Variants in RBFOX1 observed in about 807,000 individuals in gnomAD.
The protein encoded by RBFOX1 is RNA binding protein fox-1 homolog 1.
RBFOX1 carries 8 observed loss-of-function variants against 57.7 expected under a neutral mutation model. That is an observed-to-expected ratio of 0.14 (90% CI 0.08 to 0.25). RBFOX1 has a LOEUF of 0.25. Ranked by LOEUF, RBFOX1 falls within the 10% of genes least tolerant of loss-of-function variation. The pLI is 1.00. For missense variants in RBFOX1, 611 were observed against 548.5 expected (o/e 1.11, Z -1.14); for synonymous variants, 326 against 222.4 (o/e 1.47, Z -4.15).
chr16:6,673,837 T>C (rs2098783571), intron 3 of RBFOX1, among the ~76,000 whole-genome samples: 2 of 152,102 alleles, frequency 1.3e-5, no homozygotes, highest in South Asian at 2.1e-4. Flanking sequence ...GCCAAGACAG[T>C]GCTAGAGAGA....
chr16:6,200,907 T>A (rs57029104), intron 1 of RBFOX1, among the ~76,000 whole-genome samples: 38,794 of 151,428 alleles, frequency 0.26, 5,639 homozygotes, highest in East Asian at 0.42. Flanking sequence ...ATGCAGCTCA[T>A]TTTTGCTGGA....
chr16:7,385,309 A>G (rs2097857205), intron 4 of RBFOX1, among the ~76,000 whole-genome samples: 3 of 152,200 alleles, frequency 2.0e-5, no homozygotes, highest in Non-Finnish European at 4.4e-5. Context: ...AGTCCAGGCA[A>G]GGGGTCATAG....
intron 2 of RBFOX1, among the ~76,000 whole-genome samples, chr16:5,486,238 G>A (rs1422947414): frequency 6.6e-6 from 1 of 152,154 alleles, no homozygotes; most frequent in Non-Finnish European, 1.5e-5. Context: ...GATTACTTTA[G>A]GGTTCCATCA....
At chr16:5,344,300 C>T (rs1369453755) in intron 1 of RBFOX1, among the ~76,000 whole-genome samples, 4 of 152,150 alleles carry the variant, frequency 2.6e-5, no homozygotes, top group African/African-American at 9.7e-5. Flanking sequence ...AGTCCTTTGC[C>T]CAGCTCCCTC....
intron 3 of RBFOX1, among the ~76,000 whole-genome samples, chr16:5,673,564 T>G (rs2050079437): frequency 6.6e-6 from 1 of 152,182 alleles, no homozygotes; most frequent in South Asian, 2.1e-4. Flanking sequence ...CAGACCTGGT[T>G]GTTCCGTCAA....
chr16:7,566,327 G>T (rs2091681870), intron 5 of RBFOX1, among the ~76,000 whole-genome samples: 1 of 152,072 alleles, frequency 6.6e-6, no homozygotes, highest in Non-Finnish European at 1.5e-5. Context: ...TCTGTTTCCA[G>T]CCCAGACCTA....
chr16:5,818,529 C>G (rs17138694), intron 3 of RBFOX1, among the ~76,000 whole-genome samples: 3,831 of 152,270 alleles, frequency 0.025, 148 homozygotes, highest in African/African-American at 0.085. Context: ...AAATCCGTCT[C>G]GGAAGACACA....
At chr16:6,814,776 T>G (rs1027572651) in intron 3 of RBFOX1, among the ~76,000 whole-genome samples, 4 of 151,952 alleles carry the variant, frequency 2.6e-5, no homozygotes, top group East Asian at 1.9e-4. Context: ...AGAGTTGAGG[T>G]TGGATAGAAG....
intron 4 of RBFOX1, among the ~76,000 whole-genome samples, chr16:7,400,414 A>C (rs2098221489): frequency 6.6e-6 from 1 of 152,206 alleles, no homozygotes; most frequent in Admixed American, 6.5e-5. Context: ...TCATCTCTGA[A>C]GACAGAAATC....
intron 1 of RBFOX1, among the ~76,000 whole-genome samples, chr16:5,435,586 A>G (rs1211936324): frequency 6.6e-6 from 1 of 152,200 alleles, no homozygotes; most frequent in African/African-American, 2.4e-5. Context: ...ACTGAGACAC[A>G]GGTGGGACCC....
chr16:5,464,476 A>G (rs1336859760), intron 1 of RBFOX1, among the ~76,000 whole-genome samples: 2 of 152,226 alleles, frequency 1.3e-5, no homozygotes, highest in African/African-American at 2.4e-5. Context: ...CTAGTTGTGG[A>G]CTAAGCTCTC....
At chr16:6,383,075 C>A (rs2091958089) in intron 2 of RBFOX1, among the ~76,000 whole-genome samples, 1 of 152,176 alleles carries the variant, frequency 6.6e-6, no homozygotes, top group South Asian at 2.1e-4. Flanking sequence ...TAAGGTTGCC[C>A]AGTCACTTGC....
chr16:7,111,800 T>C (rs1304114008), intron 4 of RBFOX1, among the ~76,000 whole-genome samples: 1 of 152,154 alleles, frequency 6.6e-6, no homozygotes, highest in Non-Finnish European at 1.5e-5. Context: ...CTATTTGATT[T>C]TTTTTCCCCC....
rs140563607 is a variant in RBFOX1, at chr16:6,115,056, T to C, written c.-127+95064T>C. Reference sequence around the variant, plus strand: ...TCCAGGTTGTTGTCATGGAAAGGGGTAGTAACTTCCAGGTGATTGCCATGG... The same window carrying C: ...TCCAGGTTGTTGTCATGGAAAGGGGCAGTAACTTCCAGGTGATTGCCATGG... On this transcript the variant is annotated intron_variant, in intron 1 of 15. Coordinates refer to ENST00000550418, the MANE Select transcript of RBFOX1 (RefSeq NM_018723.4). 1.5e-4 allele frequency among the ~76,000 whole-genome samples: 23 copies of C among 152,208 alleles called. No homozygotes were observed. In the East Asian group the frequency reaches 3.5e-3, roughly 23 times the overall value.
intron 3 of RBFOX1, among the ~76,000 whole-genome samples, chr16:5,793,077 C>A (rs868850349): frequency 6.6e-6 from 1 of 152,168 alleles, no homozygotes; most frequent in Non-Finnish European, 1.5e-5. Context: ...ATGTACTTCC[C>A]GTTTTCCAGA....
At chr16:6,967,424 C>A (rs1302035509) in intron 3 of RBFOX1, among the ~76,000 whole-genome samples, 1 of 152,116 alleles carries the variant, frequency 6.6e-6, no homozygotes, top group Non-Finnish European at 1.5e-5. Flanking sequence ...AAGCCAGTTC[C>A]AAAAAGTAAT....
chr16:5,293,469 C>A (rs948489460), intron 1 of RBFOX1, among the ~76,000 whole-genome samples: 4 of 152,132 alleles, frequency 2.6e-5, no homozygotes, highest in Non-Finnish European at 4.4e-5. Flanking sequence ...TGGGTCTCAA[C>A]CTTGGCTCCA....
In RBFOX1 at chr16:6,812,517, G is replaced by T. The variant is rs951069434; in HGVS notation, c.-16+157867G>T. Among the ~76,000 whole-genome samples, 8 of 152,118 alleles carry T rather than the reference G, an allele frequency of 5.3e-5. No homozygotes were observed. In the South Asian group the frequency reaches 1.5e-3, roughly 28 times the overall value. ...GCCTACTGAGTAGCTGGGATTACAG[G>T]CACATGACACCACGCCCAGCTAATT... On this transcript the variant is annotated intron_variant, in intron 3 of 15. Transcript: ENST00000550418.
chr16:6,639,870 CTG>C (rs2098473157), intron 2 of RBFOX1, among the ~76,000 whole-genome samples: 1 of 152,092 alleles, frequency 6.6e-6, no homozygotes, highest in Non-Finnish European at 1.5e-5. Context: ...CAGAGTGAGA[CTG>C]TGTCTCAAAA....
Sources: gnomAD v4.1 joint callset for allele counts (sites outside exome capture counted in the v4.1 genomes callset) on GRCh38, gnomAD v4.1.1 for gene constraint, MANE v1.5 for transcripts, NCBI Gene and HGNC (gene_info 2026-07-23, HGNC 2026-07-21) for gene names.